The following GNG12 variants were observed in gnomAD, a reference collection of about 807,000 sequenced individuals.
GNG12 encodes the protein guanine nucleotide-binding protein G(I)/G(S)/G(O) subunit gamma-12.
For missense variants in GNG12, 69 were observed against 83.8 expected, an observed-to-expected ratio of 0.82 and a Z score of 0.69; for synonymous variants, 28 against 29.7, an observed-to-expected ratio of 0.94 and a Z score of 0.19.
At chr1:67,766,621 T>TTTTC (rs1491255100) in intron 2 of GNG12, among the ~76,000 whole-genome samples, 1 of 149,894 alleles carries the variant, frequency 6.7e-6, no homozygotes, top group African/African-American at 2.4e-5. Context: ...TTTTTTTTTT[T>TTTTC]CCAGGAGAAT....
At chr1:67,803,287 G>A (rs1485546141) in intron 1 of GNG12, among the ~76,000 whole-genome samples, 1 of 152,200 alleles carries the variant, frequency 6.6e-6, no homozygotes, top group Non-Finnish European at 1.5e-5. Flanking sequence ...CCTGAGACAG[G>A]AGGATTGCTT....
chr1:67,772,003 T>C (rs1366169530), intron 2 of GNG12, among the ~76,000 whole-genome samples: 3 of 152,136 alleles, frequency 2.0e-5, no homozygotes, highest in Non-Finnish European at 4.4e-5. Context: ...ACTTTACTAA[T>C]TGAGCCAAGA....
chr1:67,827,953 C>T (rs1647021076), intron 1 of GNG12, among the ~76,000 whole-genome samples: 1 of 152,196 alleles, frequency 6.6e-6, no homozygotes, highest in Non-Finnish European at 1.5e-5. Flanking sequence ...TATCTTAAGT[C>T]AAGTCACCTC....
intron 2 of GNG12, among the ~76,000 whole-genome samples, chr1:67,743,458 T>C (rs1646493528): frequency 6.6e-6 from 1 of 152,228 alleles, no homozygotes; most frequent in Non-Finnish European, 1.5e-5. Flanking sequence ...AGAATTTTTA[T>C]CTGCTGCTAA....
intron 1 of GNG12, among the ~76,000 whole-genome samples, chr1:67,824,074 G>T (rs1477179323): frequency 6.6e-6 from 1 of 152,154 alleles, no homozygotes; most frequent in Non-Finnish European, 1.5e-5. Flanking sequence ...GAAGGGGGGA[G>T]AATTAAAATA....
intron 2 of GNG12, among the ~76,000 whole-genome samples, chr1:67,713,575 G>A (rs1646308432): frequency 6.6e-6 from 1 of 152,092 alleles, no homozygotes; most frequent in South Asian, 2.1e-4. Flanking sequence ...AGCCATTATG[G>A]CCTGGCCAGT....
At chr1:67,757,475 C>T (rs1223510694) in intron 2 of GNG12, among the ~76,000 whole-genome samples, 1 of 152,170 alleles carries the variant, frequency 6.6e-6, no homozygotes, top group Non-Finnish European at 1.5e-5. Flanking sequence ...CAAGTGTCCA[C>T]TAGCTCTTTA....
chr1:67,799,588 T>A (rs1646852714), intron 1 of GNG12, among the ~76,000 whole-genome samples: 2 of 152,182 alleles, frequency 1.3e-5, no homozygotes, highest in Non-Finnish European at 2.9e-5. Context: ...TACAGATAGT[T>A]CTATTATAGT....
chr1:67,819,306 G>A (rs1039036293), intron 1 of GNG12, among the ~76,000 whole-genome samples: 2 of 152,238 alleles, frequency 1.3e-5, no homozygotes, highest in Middle Eastern at 3.4e-3. Flanking sequence ...TTAAGGGGAC[G>A]ATGATGAGAT....
chr1:67,825,655 C>G (rs946312481), intron 1 of GNG12, among the ~76,000 whole-genome samples: 1 of 152,220 alleles, frequency 6.6e-6, no homozygotes, highest in African/African-American at 2.4e-5. Context: ...GAAGCAGCAG[C>G]TACTCATAGG....
At chr1:67,708,203 C>A (rs2100668563) in intron 2 of GNG12, among the ~76,000 whole-genome samples, 1 of 152,310 alleles carries the variant, frequency 6.6e-6, no homozygotes, top group Non-Finnish European at 1.5e-5. Flanking sequence ...GAGAAGAGAG[C>A]TCCTCTAGAG....
chr1:67,714,505 T>C (rs530535943), intron 2 of GNG12, among the ~76,000 whole-genome samples: 1 of 152,338 alleles, frequency 6.6e-6, no homozygotes, highest in South Asian at 2.1e-4. Context: ...AAAATAAGTA[T>C]GTGAGTGTAA....
intron 1 of GNG12, among the ~76,000 whole-genome samples, chr1:67,794,302 G>A (rs1211906078): frequency 6.6e-6 from 1 of 152,118 alleles, no homozygotes; most frequent in Non-Finnish European, 1.5e-5. Context: ...GTAGTTTAAG[G>A]GTGGGTCTTT....
intron 1 of GNG12, among the ~76,000 whole-genome samples, chr1:67,789,905 A>C (rs191567740): frequency 6.6e-6 from 1 of 152,334 alleles, no homozygotes; most frequent in East Asian, 1.9e-4. Context: ...GCTATAAAGT[A>C]TCCCATGCTA....
At chr1:67,751,974 A>G (rs1302382060) in intron 2 of GNG12, among the ~76,000 whole-genome samples, 1 of 152,226 alleles carries the variant, frequency 6.6e-6, no homozygotes, top group African/African-American at 2.4e-5. Context: ...GACAAATATC[A>G]GTATGGTCGT....
At chr1:67,789,737 G>A (rs1276296) in intron 1 of GNG12, among the ~76,000 whole-genome samples, 81,601 of 152,030 alleles carry the variant, frequency 0.54, 23,374 homozygotes, top group South Asian at 0.64. Flanking sequence ...AAAAACAAGA[G>A]CCGGAAGGGT....
At chr1:67,710,532 G>A (rs952891981) in intron 2 of GNG12, among the ~76,000 whole-genome samples, 1 of 151,928 alleles carries the variant, frequency 6.6e-6, no homozygotes, top group Non-Finnish European at 1.5e-5. Flanking sequence ...CTCCCACCCG[G>A]CATGGCCATT....
At chr1:67,719,836 T>C (rs984491346) in intron 2 of GNG12, among the ~76,000 whole-genome samples, 1 of 152,234 alleles carries the variant, frequency 6.6e-6, no homozygotes, top group Admixed American at 6.5e-5. Context: ...TTTAAAGCCA[T>C]GCCCTAAGCA....
At chr1:67,812,357 T>G (rs1646931008) in intron 1 of GNG12, among the ~76,000 whole-genome samples, 1 of 152,086 alleles carries the variant, frequency 6.6e-6, no homozygotes, top group African/African-American at 2.4e-5. Context: ...TGAGAGAGGG[T>G]AGAACGGGTG....
Sources: gnomAD v4.1 joint callset for allele counts (sites outside exome capture counted in the v4.1 genomes callset) on GRCh38, gnomAD v4.1.1 for gene constraint, MANE v1.5 for transcripts, NCBI Gene and HGNC (gene_info 2026-07-23, HGNC 2026-07-21) for gene names.